TNFSF8: variants seen among roughly 807,000 people sequenced by gnomAD.
The protein encoded by TNFSF8 is TNF superfamily member 8.
TNFSF8 carries 4 observed loss-of-function variants against 22.0 expected under a neutral mutation model. That is an observed-to-expected ratio of 0.18 (90% CI 0.09 to 0.42). The LOEUF is 0.42. TNFSF8 is among the 10% of genes least tolerant of loss of function. The pLI is 1.00. For missense variants in TNFSF8, 233 were observed against 281.8 expected (o/e 0.83, Z 1.24); for synonymous variants, 106 against 112.5 (o/e 0.94, Z 0.37).
intron 1 of TNFSF8, among the ~76,000 whole-genome samples, chr9:114,926,982 A>ATTTATAATATAAAATGTTTATTTTAT (rs1564373379): frequency 6.1e-5 from 7 of 115,262 alleles, no homozygotes; most frequent in African/African-American, 1.9e-4. Flanking sequence ...TTTATAATAT[A>ATTTATAATATAAAATGTTTATTTTAT]ATATTTATAA....
rs749787875 is a variant in TNFSF8, at chr9:114,904,146, T to C, written c.490A>G (p.Ile164Val). ...NSVDLKLELL[I>V]NKHIKKQALV... The stretch of plus-strand genomic sequence containing the variant: ...GCCTGTTTTTTGATATGCTTGTTGA[T>C]GAGAAGCTCCAACTTCAGATCGACA... Residue 164 changes from isoleucine to valine, a missense_variant, in exon 4 of 4, where the codon ATC (isoleucine) becomes GTC (valine). Transcript: ENST00000223795. 4 of 1,614,010 alleles carry C rather than the reference T, an allele frequency of 2.5e-6. No individual in the cohort carries two copies. The highest frequency in any genetic ancestry group is 3.4e-6 in the Non-Finnish European group (4 of 1,179,990).
At chr9:114,928,331 A>G (rs1362481796) in intron 1 of TNFSF8, among the ~76,000 whole-genome samples, 2 of 152,156 alleles carry the variant, frequency 1.3e-5, no homozygotes, top group Non-Finnish European at 2.9e-5. Flanking sequence ...TGGCTCTACC[A>G]CTTTCTCAGG....
downstream of TNFSF8, among the ~76,000 whole-genome samples, chr9:114,899,349 T>A (rs936492888): frequency 2.1e-4 from 30 of 146,200 alleles, no homozygotes; most frequent in East Asian, 8.9e-4. Context: ...GTTATTATTT[T>A]TTTTTTTTTT....
chr9:114,930,198 G>A lies in TNFSF8; in HGVS notation c.106C>T (p.Arg36Cys). The A allele has an allele frequency of 6.2e-7, 1 of 1,605,914 alleles. No individual in the cohort carries two copies. The highest frequency in any genetic ancestry group is 8.5e-7 in the Non-Finnish European group (1 of 1,176,000). The part of the protein sequence containing the change: ...SVASHLGTTS[R>C]SYFYLTTATL... ...GCTGTGGTCAAATAGAAATAGCTGC[G>A]GCTCGTGGTCCCCAGGTGGCTGGCC... Residue 36 changes from arginine to cysteine, a missense_variant, in exon 1 of 4, where the codon CGC (arginine) becomes TGC (cysteine). By Grantham distance (180) the Arg-to-Cys change is radical. Coordinates refer to ENST00000223795, the MANE Select transcript of TNFSF8 (RefSeq NM_001244.4).
downstream of TNFSF8, among the ~76,000 whole-genome samples, chr9:114,900,502 C>T (rs924977249): frequency 1.3e-5 from 2 of 152,192 alleles, no homozygotes; most frequent in Non-Finnish European, 2.9e-5. Flanking sequence ...ATAGGGCCTC[C>T]TATAGCCTTT....
At chr9:114,921,060 G>T (rs1212353351) in intron 1 of TNFSF8, among the ~76,000 whole-genome samples, 1 of 152,220 alleles carries the variant, frequency 6.6e-6, no homozygotes, top group Non-Finnish European at 1.5e-5. Flanking sequence ...AGTAATATCA[G>T]AGAGGAGGAC....
At chr9:114,918,812 G>A (rs893408642) in intron 1 of TNFSF8, among the ~76,000 whole-genome samples, 1 of 152,128 alleles carries the variant, frequency 6.6e-6, no homozygotes, top group Non-Finnish European at 1.5e-5. Context: ...TATTGGCCAG[G>A]TTGGTCTCGA....
chr9:114,924,897 A>G, intron 1 of TNFSF8, among the ~76,000 whole-genome samples: 1 of 152,250 alleles, frequency 6.6e-6, no homozygotes, highest in East Asian at 1.9e-4. Context: ...AACCTCACAC[A>G]GGGCTCGCTC....
chr9:114,903,598 A>C lies in TNFSF8; in HGVS notation c.*333T>G. On this transcript the variant is annotated 3_prime_UTR_variant, in exon 4 of 4. Coordinates refer to ENST00000223795, the MANE Select transcript of TNFSF8 (RefSeq NM_001244.4). Reference sequence around the variant, plus strand: ...TGCTCTGGTACTGGAGCCCCATTTTAACTGGAGGCTCTCAAAACAGAAGAA... The same window carrying C: ...TGCTCTGGTACTGGAGCCCCATTTTCACTGGAGGCTCTCAAAACAGAAGAA... 1.4e-6 allele frequency: 1 copy of C among 696,550 alleles called. No individual in the cohort carries two copies. Among genetic ancestry groups the C allele is most frequent in the African/African-American group, 1.9e-5 (1 of 51,974 alleles). 43.1% of individuals were successfully genotyped at this position (696,550 alleles called of 1,614,324 possible). A position where few individuals can be genotyped will look rare whatever the true frequency, so the allele number is the denominator to read the frequency against.
rs1827742217 is a variant in TNFSF8, at chr9:114,903,435, T to C, written c.*496A>G. On this transcript the variant is annotated 3_prime_UTR_variant, in exon 4 of 4. Transcript: ENST00000223795. ...TCTGCCAGTATAGGGAAGTTTCCTG[T>C]GTGAGAGAGTCCTTGATCGCGACTT... 1.3e-5 allele frequency: 2 copies of C among 153,432 alleles called. No homozygotes were observed. The highest frequency in any genetic ancestry group is 1.3e-4 in the Admixed American group (2 of 15,370). The allele number at this position is 153,432 out of a possible 1,614,324, so 9.5% of individuals were successfully genotyped here.
intron 4 of TNFSF8, chr9:114,894,190 G>A (rs1324590534): frequency 2.0e-6 from 3 of 1,514,772 alleles, no homozygotes; most frequent in Non-Finnish European, 2.7e-6. Flanking sequence ...ACTTTACTTT[G>A]TAGATATCGG....
At position 114,901,319 on chromosome 9, in the gene TNFSF8, T is replaced by A; in HGVS notation, c.*2612A>T. 1 of 985,438 alleles carries A rather than the reference T, an allele frequency of 1.0e-6. No individual in the cohort carries two copies. The highest frequency in any genetic ancestry group is 1.2e-6 in the Non-Finnish European group (1 of 829,930). 61.0% of individuals were successfully genotyped at this position (985,438 alleles called of 1,614,324 possible). The stretch of plus-strand genomic sequence containing the variant: ...ATCTATCAGTTGAGTTATTAATGAT[T>A]ATTCTCTTTTTTTGTTTGTTTGGTT... On this transcript the variant is annotated 3_prime_UTR_variant, in exon 4 of 4. Transcript: ENST00000223795.
chr9:114,913,259 C>A (rs1049830369), intron 2 of TNFSF8, among the ~76,000 whole-genome samples: 2 of 152,158 alleles, frequency 1.3e-5, no homozygotes, highest in Non-Finnish European at 2.9e-5. Flanking sequence ...CCTCCAGGAA[C>A]CTTTGGGTGT....
chr9:114,903,709 C>T lies in TNFSF8; in HGVS notation c.*222G>A, dbSNP rs942398478. The T allele has an allele frequency of 3.1e-6, 4 of 1,295,850 alleles. No individual in the cohort carries two copies. Among genetic ancestry groups the T allele is most frequent in the African/African-American group, 3.0e-5 (2 of 66,152 alleles). 80.3% of individuals were successfully genotyped at this position (1,295,850 alleles called of 1,614,324 possible). Reference sequence around the variant, plus strand: ...ATTCTGTGTGGGGCTCTGCCCACCACACTACATTGCTTCCCTGCCTGCTAT... The same window carrying T: ...ATTCTGTGTGGGGCTCTGCCCACCATACTACATTGCTTCCCTGCCTGCTAT... On this transcript the variant is annotated 3_prime_UTR_variant, in exon 4 of 4. Coordinates refer to ENST00000223795, the MANE Select transcript of TNFSF8 (RefSeq NM_001244.4).
chr9:114,896,115 G>C (rs977179300), intron 4 of TNFSF8, among the ~76,000 whole-genome samples: 1 of 152,160 alleles, frequency 6.6e-6, no homozygotes, highest in Non-Finnish European at 1.5e-5. Flanking sequence ...GAAACATAAC[G>C]GATTACCAGC....
At chr9:114,896,300 G>T (rs969345953), downstream of TNFSF8, among the ~76,000 whole-genome samples, 4 of 152,140 alleles carry the variant, frequency 2.6e-5, no homozygotes, top group East Asian at 5.8e-4. Context: ...GGACATAACA[G>T]CAAAGATTTA....
chr9:114,901,034 A>AGTGTGT (rs113133989), downstream of TNFSF8: 27 of 905,880 alleles, frequency 3.0e-5, no homozygotes, highest in East Asian at 1.8e-3. Context: ...AAGTACACTG[A>AGTGTGT]GTGTGTGTGT....
At position 114,902,299 on chromosome 9, in the gene TNFSF8, T is replaced by C; in HGVS notation, c.*1632A>G. ...GGGGATATAAAAACCCTCGCGGAAC[T>C]GGTTTTCTGAGAGGTGTTTGAAGCA... On this transcript the variant is annotated 3_prime_UTR_variant, in exon 4 of 4. Transcript: ENST00000223795. 1 of 985,420 alleles carries C rather than the reference T, an allele frequency of 1.0e-6. No homozygotes were observed. The highest frequency in any genetic ancestry group is 1.2e-6 in the Non-Finnish European group (1 of 829,932). The allele number at this position is 985,420 out of a possible 1,614,324, so 61.0% of individuals were successfully genotyped here.
intron 4 of TNFSF8, chr9:114,894,233 T>C: frequency 7.4e-7 from 1 of 1,360,168 alleles, no homozygotes; most frequent in Non-Finnish European, 1.0e-6. Context: ...GACGTTGTTG[T>C]TACTCAGAAG....
Sources: allele counts gnomAD v4.1 joint callset (sites outside exome capture counted in the v4.1 genomes callset), GRCh38; gene constraint gnomAD v4.1.1; transcripts MANE v1.5; gene names NCBI Gene and HGNC (gene_info 2026-07-23, HGNC 2026-07-21).